The following ARHGAP28 variants were observed in gnomAD, a reference collection of about 807,000 sequenced individuals.
The protein encoded by ARHGAP28 is rho GTPase-activating protein 28.
A neutral mutation model predicts 90.7 loss-of-function variants in ARHGAP28; 56 were observed. The observed-to-expected ratio is 0.62, with a 90% CI of 0.50 to 0.77. ARHGAP28 has a LOEUF of 0.77. Ranked by LOEUF, ARHGAP28 falls within the 30% of genes least tolerant of loss-of-function variation. The pLI, the probability that ARHGAP28 is intolerant of heterozygous loss-of-function variation, is 0.00. For synonymous variants in ARHGAP28, 308 were observed against 323.3 expected (o/e 0.95, Z 0.51); for missense variants, 869 against 900.9 (o/e 0.96, Z 0.45).
Position 6,871,462 on chromosome 18 carries a change from A to G in ARHGAP28, c.954+730A>G, listed in dbSNP as rs115409073. On this transcript the variant is annotated intron_variant, in intron 7 of 17. Transcript: ENST00000383472. ...GGAAGTGAGAGCTCATGGAACAGACAATAAAAACACATCAAAACCAATTCA... is the reference window on the plus strand; with the variant it reads ...GGAAGTGAGAGCTCATGGAACAGACGATAAAAACACATCAAAACCAATTCA... Among the ~76,000 whole-genome samples the G allele has an allele frequency of 3.6e-3, 546 of 152,342 alleles. 6 individuals carry two copies. Among genetic ancestry groups the G allele is most frequent in the African/African-American group, 0.012 (509 of 41,582 alleles).
intron 10 of ARHGAP28, 57 bp from the exon 11 acceptor site, chr18:6,882,080 A>G: frequency 1.3e-6 from 2 of 1,511,902 alleles, no homozygotes; most frequent in Non-Finnish European, 1.8e-6. Flanking sequence ...TCGAAGGGGA[A>G]AATGGGGTCA....
chr18:6,770,908 G>C (rs1252631760), intron 1 of ARHGAP28, among the ~76,000 whole-genome samples: 1 of 152,158 alleles, frequency 6.6e-6, no homozygotes, highest in East Asian at 1.9e-4. Context: ...TCTGTTCTTA[G>C]AGATTCTTTT....
At chr18:6,798,604 C>G (rs1388695083) in intron 1 of ARHGAP28, among the ~76,000 whole-genome samples, 1 of 152,164 alleles carries the variant, frequency 6.6e-6, no homozygotes, top group Non-Finnish European at 1.5e-5. Context: ...GAATGGAAAA[C>G]CAAATACTGT....
At chr18:6,892,465 T>G (rs2057273495) in intron 14 of ARHGAP28, among the ~76,000 whole-genome samples, 2 of 152,220 alleles carry the variant, frequency 1.3e-5, no homozygotes, top group African/African-American at 4.8e-5. Context: ...AGACTTTTTC[T>G]GATAAGTCCA....
intron 1 of ARHGAP28, among the ~76,000 whole-genome samples, chr18:6,803,492 TTAA>T (rs1055467043): frequency 2.0e-5 from 3 of 152,130 alleles, no homozygotes; most frequent in African/African-American, 7.2e-5. Context: ...TAAAATTTTG[TTAA>T]TAATACTTGT....
At chr18:6,866,029 T>G (rs2057035826) in intron 5 of ARHGAP28, among the ~76,000 whole-genome samples, 1 of 152,148 alleles carries the variant, frequency 6.6e-6, no homozygotes, top group South Asian at 2.1e-4. Flanking sequence ...ACGATGCTAG[T>G]CGTAATATAA....
intron 3 of ARHGAP28, among the ~76,000 whole-genome samples, chr18:6,841,194 T>G (rs1419601821): frequency 1.6e-5 from 1 of 64,190 alleles, no homozygotes; most frequent in Non-Finnish European, 2.9e-5. Flanking sequence ...TCTCTCTCTC[T>G]CTCTCTCTCC....
At chr18:6,817,358 A>G (rs2056598761) in intron 1 of ARHGAP28, among the ~76,000 whole-genome samples, 1 of 152,014 alleles carries the variant, frequency 6.6e-6, no homozygotes, top group African/African-American at 2.4e-5. Context: ...CAAAACAAGA[A>G]GAGAGAATTG....
At chr18:6,755,221 G>A (rs1175853508) in intron 1 of ARHGAP28, among the ~76,000 whole-genome samples, 2 of 152,096 alleles carry the variant, frequency 1.3e-5, no homozygotes, top group African/African-American at 2.4e-5. Flanking sequence ...ATGTGATATG[G>A]AAAAAGCCTA....
intron 1 of ARHGAP28, among the ~76,000 whole-genome samples, chr18:6,777,418 G>A (rs547766309): frequency 1.3e-5 from 2 of 152,290 alleles, no homozygotes; most frequent in South Asian, 4.1e-4. Context: ...GAGCTCAAGA[G>A]CAATTAGCCC....
intron 1 of ARHGAP28, among the ~76,000 whole-genome samples, chr18:6,799,832 G>A (rs1368882058): frequency 6.6e-6 from 1 of 152,126 alleles, no homozygotes; most frequent in East Asian, 1.9e-4. Flanking sequence ...AACACTAAAA[G>A]CAATGGCAAC....
At chr18:6,798,459 G>A (rs1043957717) in intron 1 of ARHGAP28, among the ~76,000 whole-genome samples, 1 of 152,168 alleles carries the variant, frequency 6.6e-6, no homozygotes, top group Non-Finnish European at 1.5e-5. Context: ...CTCCCAAAGT[G>A]CTGGAATTAC....
intron 1 of ARHGAP28, among the ~76,000 whole-genome samples, chr18:6,797,916 T>G (rs2056453604): frequency 6.6e-6 from 1 of 152,118 alleles, no homozygotes; most frequent in Non-Finnish European, 1.5e-5. Flanking sequence ...TGCCTCGGCT[T>G]CCCAAAGTGC....
chr18:6,889,863 A>G (rs775835708), intron 12 of ARHGAP28, 25 bp from the exon 13 acceptor site: 7 of 1,610,118 alleles, frequency 4.3e-6, no homozygotes, highest in Non-Finnish European at 5.9e-6. Flanking sequence ...GTACAATTGT[A>G]TGACACAATG....
At chr18:6,767,332 ACAGT>A (rs540234429) in intron 1 of ARHGAP28, among the ~76,000 whole-genome samples, 29 of 152,232 alleles carry the variant, frequency 1.9e-4, no homozygotes, top group African/African-American at 5.8e-4. Flanking sequence ...TTTGTTTCAT[ACAGT>A]CAATTTTATT....
chr18:6,779,197 ATAT>A (rs1419692535), intron 1 of ARHGAP28, among the ~76,000 whole-genome samples: 1 of 152,106 alleles, frequency 6.6e-6, no homozygotes, highest in African/African-American at 2.4e-5. Context: ...TTGGGTCCAG[ATAT>A]TATTGAAGGG....
chr18:6,838,279 T>C (rs9956390), intron 3 of ARHGAP28, among the ~76,000 whole-genome samples: 19,338 of 152,218 alleles, frequency 0.13, 2,007 homozygotes, highest in African/African-American at 0.29. Context: ...TAGTTAATCA[T>C]TCTGATTTAG....
intron 1 of ARHGAP28, among the ~76,000 whole-genome samples, chr18:6,744,917 T>G (rs2056009806): frequency 6.6e-6 from 1 of 151,706 alleles, no homozygotes; most frequent in South Asian, 2.1e-4. Context: ...AAGATAAATT[T>G]TATTAATATT....
intron 1 of ARHGAP28, among the ~76,000 whole-genome samples, chr18:6,732,399 C>G (rs1457641910): frequency 2.6e-5 from 4 of 152,212 alleles, no homozygotes; most frequent in Middle Eastern, 3.4e-3. Flanking sequence ...GGCCCTTTAC[C>G]TTTCAAACCA....
Sources: allele counts gnomAD v4.1 joint callset (sites outside exome capture counted in the v4.1 genomes callset), GRCh38; gene constraint gnomAD v4.1.1; transcripts MANE v1.5; gene names NCBI Gene and HGNC (gene_info 2026-07-23, HGNC 2026-07-21).